Variants in TSHB observed in about 807,000 individuals in gnomAD.
TSHB encodes thyroid stimulating hormone subunit beta, also known as thyrotropin subunit beta.
Under a neutral mutation model 9.3 loss-of-function variants are expected in TSHB, and 9 were observed. That is an observed-to-expected ratio of 0.97 (90% CI 0.58 to 1.69). TSHB has a LOEUF of 1.69. TSHB is among the 40% of genes most tolerant of loss of function. The pLI is 0.00. For missense variants in TSHB, 182 were observed against 168.5 expected, an observed-to-expected ratio of 1.08 and a Z score of -0.44; for synonymous variants, 57 against 57.2, an observed-to-expected ratio of 1.00 and a Z score of 0.01.
rs769428370 is a variant in TSHB at position 115,034,062 on chromosome 1, A to G, written c.252A>G (p.Ile84Met). The G allele has an allele frequency of 5.0e-6, 8 of 1,613,844 alleles. No homozygotes were observed. Among genetic ancestry groups the G allele is most frequent in the Admixed American group, 1.7e-5 (1 of 59,986 alleles). Residue 84 changes from isoleucine to methionine, a missense_variant, in exon 3 of 3, where the codon ATA becomes ATG. Ile to Met is a conservative substitution (Grantham distance 10). Coordinates refer to ENST00000256592, the MANE Select transcript of TSHB (RefSeq NM_000549.5). ...ACTTCATCTACAGGACTGTAGAAAT[A>G]CCAGGATGCCCACTCCATGTTGCTC... is the stretch of plus-strand genomic sequence containing the variant. ...YRDFIYRTVE[I>M]PGCPLHVAPY...
intron 1 of TSHB, 98 bp from the exon 2 acceptor site, chr1:115,033,264 G>A (rs1674933843): frequency 9.6e-7 from 1 of 1,045,070 alleles, no homozygotes; most frequent in East Asian, 2.4e-5. Context: ...ATGATCATAT[G>A]CATTGGGATG....
At chr1:115,030,702 C>T (rs1674877183) in intron 1 of TSHB, among the ~76,000 whole-genome samples, 1 of 151,942 alleles carries the variant, frequency 6.6e-6, no homozygotes, top group Admixed American at 6.6e-5. Flanking sequence ...AGGTACCCAA[C>T]AAATTATTCA....
At chr1:115,033,838 G>A in intron 2 of TSHB, 135 bp from the exon 3 acceptor site, 1 of 1,299,360 alleles carries the variant, frequency 7.7e-7, no homozygotes, top group Non-Finnish European at 1.1e-6. Context: ...TGGTATTGGA[G>A]AATGGGGCTA....
intron 1 of TSHB, among the ~76,000 whole-genome samples, chr1:115,031,440 T>C (rs3754365): frequency 0.018 from 2,731 of 152,106 alleles, 175 homozygotes; most frequent in East Asian, 0.14. Flanking sequence ...AGATTATATA[T>C]TTTAGTCAAG....
In TSHB at chr1:115,033,530, T is replaced by C; in HGVS notation, c.162+6T>C. On this transcript the variant is annotated splice_donor_region_variant and intron_variant, in intron 2 of 2. Transcript: ENST00000256592. ...CTGGATATTGTATGACACGGGTATG[T>C]AGTTCATGTCACTTCTTTTGGCTGT... 6.2e-7 allele frequency: 1 copy of C among 1,611,404 alleles called. No homozygotes were observed. The highest frequency in any genetic ancestry group is 8.5e-7 in the Non-Finnish European group (1 of 1,177,604).
chr1:115,031,262 T>C (rs1191917924), intron 1 of TSHB, among the ~76,000 whole-genome samples: 1 of 152,020 alleles, frequency 6.6e-6, no homozygotes, highest in African/African-American at 2.4e-5. Flanking sequence ...TTTTCTACTT[T>C]TGTTAGTTTA....
chr1:115,032,624 A>C (rs1362301555), intron 1 of TSHB, among the ~76,000 whole-genome samples: 1 of 152,018 alleles, frequency 6.6e-6, no homozygotes, highest in African/African-American at 2.4e-5. Flanking sequence ...CTTAATCTTC[A>C]AGGTGATCAA....
At position 115,033,846 on chromosome 1, in the gene TSHB, C is replaced by T; in HGVS notation, c.163-127C>T. 4.4e-6 allele frequency: 6 copies of T among 1,365,324 alleles called. No individual in the cohort carries two copies. The South Asian group carries it at 4.8e-5, about 11-fold the overall frequency. 84.6% of individuals were successfully genotyped at this position (1,365,324 alleles called of 1,614,324 possible). ...GTTAAGTTGGTATTGGAGAATGGGG[C>T]TAAGCAATTCTTTCCCAGTTGTATT... is the stretch of plus-strand genomic sequence containing the variant. On this transcript the variant is annotated intron_variant, in intron 2 of 2. Coordinates refer to ENST00000256592, the MANE Select transcript of TSHB (RefSeq NM_000549.5).
chr1:115,033,296 T>A, intron 1 of TSHB, 66 bp from the exon 2 acceptor site: 1 of 1,507,802 alleles, frequency 6.6e-7, no homozygotes, highest in South Asian at 1.1e-5. Context: ...TGGTTATACT[T>A]TTTCTTGGTT....
Position 115,033,358 on chromosome 1 carries a change from T to G in TSHB, c.-1-4T>G, listed in dbSNP as rs767114271. 6.2e-7 allele frequency: 1 copy of G among 1,613,088 alleles called. No individual in the cohort carries two copies. Among genetic ancestry groups the G allele is most frequent in the Non-Finnish European group, 8.5e-7 (1 of 1,179,360 alleles). The stretch of plus-strand genomic sequence containing the variant: ...TAGGTTCTTTAATTTTATCTTTGAT[T>G]TAGCATGACTGCTCTCTTTCTGATG... On this transcript the variant is annotated splice_polypyrimidine_tract_variant and splice_region_variant and intron_variant, in intron 1 of 2. Transcript: ENST00000256592.
intron 1 of TSHB, among the ~76,000 whole-genome samples, chr1:115,031,747 C>A (rs1390226253): frequency 6.6e-6 from 1 of 151,996 alleles, no homozygotes; most frequent in African/African-American, 2.4e-5. Context: ...ATAGAGGGAG[C>A]TCACATTTGA....
intron 1 of TSHB, 50 bp downstream of exon 1, chr1:115,029,910 A>G (rs1328312173): frequency 6.6e-6 from 1 of 152,106 alleles, no homozygotes; most frequent in Non-Finnish European, 1.5e-5. Flanking sequence ...TTCTTAAGCT[A>G]TTTTTTTTCA....
At chr1:115,030,953 T>G (rs985753848) in intron 1 of TSHB, among the ~76,000 whole-genome samples, 2 of 151,968 alleles carry the variant, frequency 1.3e-5, no homozygotes, top group African/African-American at 4.8e-5. Flanking sequence ...AATTGCTCAG[T>G]TGCACACAAT....
chr1:115,033,415 C>T lies in TSHB; in HGVS notation c.53C>T (p.Ala18Val), dbSNP rs751924894. 2.0e-5 allele frequency: 33 copies of T among 1,613,124 alleles called. No homozygotes were observed. Among genetic ancestry groups the T allele is most frequent in the Admixed American group, 1.7e-4 (10 of 59,940 alleles). The change falls in exon 2 of 3, where the codon GCG (alanine) becomes GTG (valine). Residue 18 changes from alanine to valine, a missense_variant. Coordinates refer to ENST00000256592, the MANE Select transcript of TSHB (RefSeq NM_000549.5). ...CTTTTTGGCCTTACATGTGGGCAAG[C>T]GATGTCTTTTTGTATTCCAACTGAG... is the stretch of plus-strand genomic sequence containing the variant. ...SMLFGLTCGQ[A>V]MSFCIPTEYT...
intron 1 of TSHB, among the ~76,000 whole-genome samples, chr1:115,031,005 A>AATCC (rs59802627): frequency 1.3e-4 from 6 of 47,238 alleles, no homozygotes; most frequent in Admixed American, 9.1e-4. Flanking sequence ...ACTAACTCTT[A>AATCC]ATCAATCAAT....
intron 1 of TSHB, among the ~76,000 whole-genome samples, chr1:115,032,359 G>A (rs1403472655): frequency 6.6e-6 from 1 of 152,006 alleles, no homozygotes; most frequent in Non-Finnish European, 1.5e-5. Flanking sequence ...AGAGGTTTTA[G>A]TGTATATAGC....
intron 2 of TSHB, 183 bp from the exon 3 acceptor site, chr1:115,033,790 T>A (rs17477369): frequency 0.054 from 17,261 of 322,080 alleles, 520 homozygotes; most frequent in Middle Eastern, 0.087. Context: ...GAGAGGAGGG[T>A]CTCACTTTTG....
At chr1:115,032,949 T>C (rs1358886038) in intron 1 of TSHB, among the ~76,000 whole-genome samples, 1 of 151,590 alleles carries the variant, frequency 6.6e-6, no homozygotes, top group Non-Finnish European at 1.5e-5. Flanking sequence ...TTAATATTCC[T>C]GGCTAACCCA....
In TSHB at chr1:115,031,513, G is replaced by A. The variant is rs557436217; in HGVS notation, c.-2+1653G>A. 1.1e-4 allele frequency among the ~76,000 whole-genome samples: 16 copies of A among 151,966 alleles called. No homozygotes were observed. In the South Asian group the frequency reaches 3.3e-3, roughly 32 times the overall value. ...TTTAGACCAATATTTTCATCACCAG[G>A]TCACCACATTGATTTTATACAGAAT... On this transcript the variant is annotated intron_variant, in intron 1 of 2. Transcript: ENST00000256592.
Sources: allele counts gnomAD v4.1 joint callset (sites outside exome capture counted in the v4.1 genomes callset), GRCh38; gene constraint gnomAD v4.1.1; transcripts MANE v1.5; gene names NCBI Gene and HGNC (gene_info 2026-07-23, HGNC 2026-07-21).